GBF1: variants seen among roughly 807,000 people sequenced by gnomAD.
GBF1 encodes golgi brefeldin A resistant guanine nucleotide exchange factor 1.
In GBF1, 114 loss-of-function variants were observed where a neutral mutation model predicts 210.5. That is an observed-to-expected ratio of 0.54 (90% confidence interval 0.47 to 0.63). The LOEUF (loss-of-function observed/expected upper bound fraction) is 0.63, where lower values mean the gene tolerates loss of function less well. Ranked by LOEUF, GBF1 falls within the 30% of genes least tolerant of loss-of-function variation. GBF1 has a pLI of 0.00. For missense variants in GBF1, 1,851 were observed against 2,357.7 expected (o/e 0.79, Z 4.45); for synonymous variants, 850 against 889.2 (o/e 0.96, Z 0.78).
In GBF1 at chr10:102,379,396, G is replaced by T. The variant is rs779904047; in HGVS notation, c.4607G>T (p.Arg1536Leu). 1.2e-6 allele frequency: 2 copies of T among 1,613,952 alleles called. No homozygotes were observed. Among genetic ancestry groups the T allele is most frequent in the African/African-American group, 1.3e-5 (1 of 74,886 alleles). ...GGCCAGAAGATTGAAGCTGATTCTC[G>T]CACCCTCTGGGCCCACTGCTGGTGC... ...TGGQKIEADS[R>L]TLWAHCWCPL... Residue 1536 changes from arginine to leucine, a missense_variant, in exon 34 of 40, where the codon CGC (arginine) becomes CTC (leucine). Arg to Leu is a moderately radical substitution (Grantham distance 102, BLOSUM62 -2). Coordinates refer to ENST00000369983, the MANE Select transcript of GBF1 (RefSeq NM_001377137.1).
At position 102,344,908 on chromosome 10, in the gene GBF1, T is replaced by C. The variant is rs556279081; in HGVS notation, c.295+726T>C. Among the ~76,000 whole-genome samples the C allele has an allele frequency of 9.2e-5, 14 of 152,374 alleles. No individual in the cohort carries two copies. The South Asian group carries it at 2.7e-3, about 29-fold the overall frequency. On this transcript the variant is annotated intron_variant, in intron 4 of 39. Transcript: ENST00000369983. ...GTACTTTCTCAATGTTCCTCCTCCT[T>C]CTTTAGGCAAATAGTGTGAACAGCC...
chr10:102,366,814 G>A lies in GBF1; in HGVS notation c.2434-271G>A, dbSNP rs1196576662. Among the ~76,000 whole-genome samples the A allele has an allele frequency of 6.6e-6, 1 of 152,108 alleles. No individual in the cohort carries two copies. The highest frequency in any genetic ancestry group is 2.4e-5 in the African/African-American group (1 of 41,410). On this transcript the variant is annotated intron_variant, in intron 19 of 39. Transcript: ENST00000369983. This position sits in a 1 kb window ranked among gnomAD's most constrained non-coding sequence, Gnocchi z 4.0. ...TTGGTCAGGCTGGTCTCGAACTCCT[G>A]ATCTCGGGTGATCCGCCCACCTCGG...
chr10:102,258,758 G>C (rs1036350352), intron 1 of GBF1, among the ~76,000 whole-genome samples, 171 bp from the exon 2 acceptor site: 1 of 135,374 alleles, frequency 7.4e-6, no homozygotes. Flanking sequence ...TGGGCAACAA[G>C]AGTGAAACTC....
At chr10:102,296,145 CA>C (rs1269538633) in intron 3 of GBF1, among the ~76,000 whole-genome samples, 1 of 152,166 alleles carries the variant, frequency 6.6e-6, no homozygotes, top group African/African-American at 2.4e-5. Flanking sequence ...GCTTGTTTCA[CA>C]GAAGAAACTA....
chr10:102,313,648 C>T (rs147014622), intron 3 of GBF1, among the ~76,000 whole-genome samples: 19 of 152,294 alleles, frequency 1.2e-4, no homozygotes, highest in Non-Finnish European at 2.2e-4. Context: ...GGCTTTTCCA[C>T]TGAACTACAA....
At chr10:102,348,143 GC>G (rs991899017) in intron 4 of GBF1, among the ~76,000 whole-genome samples, 2 of 152,000 alleles carry the variant, frequency 1.3e-5, no homozygotes, top group African/African-American at 4.8e-5. Flanking sequence ...CGCTGTATTG[GC>G]CAGGCTGGTC....
Position 102,245,698 on chromosome 10 carries a change from G to C in GBF1, c.-94G>C, listed in dbSNP as rs1415052345. 1 of 152,308 alleles carries C rather than the reference G, an allele frequency of 6.6e-6. No individual in the cohort carries two copies. Among genetic ancestry groups the C allele is most frequent in the Non-Finnish European group, 1.5e-5 (1 of 68,128 alleles). 9.4% of individuals were successfully genotyped at this position (152,308 alleles called of 1,614,324 possible). On this transcript the variant is annotated 5_prime_UTR_variant, in exon 1 of 40. Transcript: ENST00000369983. ...CTACCAGAGCCGGGAGAGCTGCTCG[G>C]AGACGCCTCCGGGGTGCGGGCTGGA...
At chr10:102,342,845 G>T (rs1313107886) in intron 3 of GBF1, among the ~76,000 whole-genome samples, 4 of 152,088 alleles carry the variant, frequency 2.6e-5, no homozygotes, top group African/African-American at 9.7e-5. Context: ...AGTAAGGTAG[G>T]GAGTAAGTAC....
chr10:102,327,208 C>T (rs2056969724), intron 3 of GBF1, among the ~76,000 whole-genome samples: 2 of 152,162 alleles, frequency 1.3e-5, no homozygotes, highest in African/African-American at 2.4e-5. Flanking sequence ...CGATTCAGGC[C>T]ACTGTGCTCT....
intron 3 of GBF1, among the ~76,000 whole-genome samples, chr10:102,331,552 G>T (rs1315782587): frequency 6.6e-6 from 1 of 152,034 alleles, no homozygotes; most frequent in Non-Finnish European, 1.5e-5. Context: ...GAGGGCCAAG[G>T]TGGGTGGACT....
At chr10:102,313,862 G>C (rs541470513) in intron 3 of GBF1, among the ~76,000 whole-genome samples, 2 of 152,246 alleles carry the variant, frequency 1.3e-5, no homozygotes, top group East Asian at 3.9e-4. Context: ...CACAATTGCA[G>C]GCTGGGCTAG....
intron 3 of GBF1, among the ~76,000 whole-genome samples, chr10:102,335,721 G>A (rs139115464): frequency 8.4e-4 from 128 of 152,286 alleles, no homozygotes; most frequent in African/African-American, 2.9e-3. Flanking sequence ...TCTTCAAAAT[G>A]GGGTTAATTA....
intron 4 of GBF1, 150 bp from the exon 5 acceptor site, chr10:102,351,106 C>A (rs1280297157): frequency 8.3e-6 from 4 of 481,928 alleles, no homozygotes; most frequent in African/African-American, 2.1e-5. Context: ...AAAAAAAAAT[C>A]AGTTGTGGGC....
At chr10:102,256,120 A>G (rs2072324435) in intron 1 of GBF1, among the ~76,000 whole-genome samples, 1 of 151,906 alleles carries the variant, frequency 6.6e-6, no homozygotes, top group African/African-American at 2.4e-5. Context: ...TAATTTTTGT[A>G]TTTTTTATAG....
At chr10:102,317,970 G>T (rs2055982995) in intron 3 of GBF1, among the ~76,000 whole-genome samples, 1 of 151,996 alleles carries the variant, frequency 6.6e-6, no homozygotes, top group African/African-American at 2.4e-5. Context: ...GTGCAGTGGT[G>T]TGATCTCAGC....
chr10:102,263,566 G>A (rs1034064811), intron 3 of GBF1, among the ~76,000 whole-genome samples: 3 of 151,728 alleles, frequency 2.0e-5, no homozygotes, highest in Non-Finnish European at 4.4e-5. Flanking sequence ...TTCTCTTTTT[G>A]TAGAAAGAAT....
chr10:102,362,050 CTTTTTTT>C (rs1164670758), intron 14 of GBF1, 138 bp downstream of exon 14: 22 of 124,730 alleles, frequency 1.8e-4, no homozygotes, highest in South Asian at 3.0e-4. Flanking sequence ...CTTTTCTTTT[CTTTTTTT>C]TTTTTTTTTT....
intron 18 of GBF1, among the ~76,000 whole-genome samples, chr10:102,365,809 G>A (rs1706763106): frequency 6.6e-6 from 1 of 152,168 alleles, no homozygotes; most frequent in African/African-American, 2.4e-5. Context: ...TGTTCAGGAG[G>A]CTGAGGCAGG....
intron 3 of GBF1, among the ~76,000 whole-genome samples, chr10:102,264,452 A>G (rs1347101422): frequency 6.6e-6 from 1 of 152,230 alleles, no homozygotes; most frequent in Non-Finnish European, 1.5e-5. Flanking sequence ...ATAGTAATAT[A>G]TATTATGTAT....
Sources: gnomAD v4.1 joint callset for allele counts (sites outside exome capture counted in the v4.1 genomes callset) on GRCh38, gnomAD v4.1.1 for gene constraint, Gnocchi (gnomAD v3.1) non-coding constraint, MANE v1.5 for transcripts, NCBI Gene and HGNC (gene_info 2026-07-23, HGNC 2026-07-21) for gene names.